The following LRRC8B variants were observed in gnomAD, a reference collection of about 807,000 sequenced individuals.
LRRC8B encodes volume-regulated anion channel subunit LRRC8B.
LRRC8B carries 23 observed loss-of-function variants against 58.8 expected under a neutral mutation model. The observed-to-expected ratio is 0.39, with a 90% confidence interval of 0.28 to 0.55. The LOEUF is 0.55. Among genes scored for constraint, LRRC8B ranks in the 20% least tolerant of loss-of-function variants. LRRC8B has a pLI of 0.62. For synonymous variants in LRRC8B, 359 were observed against 374.1 expected (o/e 0.96, Z 0.47); for missense variants, 694 against 936.0 (o/e 0.74, Z 3.37).
intron 1 of LRRC8B, among the ~76,000 whole-genome samples, chr1:89,527,284 A>G (rs963462679): frequency 6.6e-6 from 1 of 151,994 alleles, no homozygotes; most frequent in Non-Finnish European, 1.5e-5. Context: ...CCAATCCCGG[A>G]TTTTCATTTG....
In LRRC8B at chr1:89,584,186, C is replaced by T; in HGVS notation, c.1536C>T (p.Leu512=). 1 of 1,611,460 alleles carries T rather than the reference C, an allele frequency of 6.2e-7. No homozygotes were observed. Among genetic ancestry groups the T allele is most frequent in the Non-Finnish European group, 8.5e-7 (1 of 1,180,002 alleles). ...IPRWVFHLKN[L]KELYLSGCVL... is the part of the protein sequence containing the mutation. ...GCTGGGTATTTCACCTCAAGAATCTCAAGGAACTTTATCTTTCGGGCTGTG... is the reference window on the plus strand; with the variant it reads ...GCTGGGTATTTCACCTCAAGAATCTTAAGGAACTTTATCTTTCGGGCTGTG... The change falls in exon 5 of 6, where the codon CTC becomes CTT. Residue 512 remains leucine (L), a synonymous_variant. Transcript: ENST00000330947.
At chr1:89,557,179 A>G (rs1258142859) in intron 1 of LRRC8B, among the ~76,000 whole-genome samples, 2 of 152,056 alleles carry the variant, frequency 1.3e-5, no homozygotes, top group South Asian at 2.1e-4. Context: ...TTTGGGCCAC[A>G]TAGTTCTTCT....
chr1:89,551,100 C>T (rs1256291307), intron 1 of LRRC8B, among the ~76,000 whole-genome samples: 4 of 151,932 alleles, frequency 2.6e-5, no homozygotes, highest in African/African-American at 9.7e-5. Context: ...ACTGCTCTTC[C>T]TCAGGCAACA....
At chr1:89,570,607 A>T (rs1017685760) in intron 3 of LRRC8B, among the ~76,000 whole-genome samples, 1 of 152,004 alleles carries the variant, frequency 6.6e-6, no homozygotes, top group African/African-American at 2.4e-5. Flanking sequence ...AAGATGCTGG[A>T]TATTAGACCT....
At chr1:89,546,001 G>T (rs568454652) in intron 1 of LRRC8B, among the ~76,000 whole-genome samples, 1 of 152,150 alleles carries the variant, frequency 6.6e-6, no homozygotes, top group African/African-American at 2.4e-5. Flanking sequence ...CTGGGTAAAT[G>T]GTATATGGGG....
intron 1 of LRRC8B, among the ~76,000 whole-genome samples, chr1:89,556,309 T>G (rs1652183886): frequency 6.6e-6 from 1 of 152,186 alleles, no homozygotes; most frequent in South Asian, 2.1e-4. Flanking sequence ...CCTTGCCTTT[T>G]ACATCTCTTC....
chr1:89,555,918 A>T (rs879742766), intron 1 of LRRC8B, among the ~76,000 whole-genome samples: 1 of 152,194 alleles, frequency 6.6e-6, no homozygotes, highest in Non-Finnish European at 1.5e-5. Flanking sequence ...ACAGAGCCCC[A>T]TTCCTGATAA....
chr1:89,529,713 T>G (rs1466736915), intron 1 of LRRC8B, among the ~76,000 whole-genome samples: 1 of 152,140 alleles, frequency 6.6e-6, no homozygotes, highest in Non-Finnish European at 1.5e-5. Context: ...ACAGCAAAAT[T>G]TTTTCTATAT....
At chr1:89,587,343 G>A (rs1237781667) in intron 5 of LRRC8B, among the ~76,000 whole-genome samples, 3 of 152,070 alleles carry the variant, frequency 2.0e-5, no homozygotes, top group Admixed American at 6.6e-5. Context: ...AGACCAGCCT[G>A]GCCAATATGG....
chr1:89,568,634 A>C (rs1653208048), intron 3 of LRRC8B, 141 bp downstream of exon 3: 1 of 152,146 alleles, frequency 6.6e-6, no homozygotes, highest in Non-Finnish European at 1.5e-5. Context: ...AATCTTTCTG[A>C]GGTTTTTAAA....
In LRRC8B at chr1:89,595,388, G is replaced by C. The variant is rs1655232001; in HGVS notation, c.*2345G>C. 1 of 152,104 alleles carries C rather than the reference G, an allele frequency of 6.6e-6. No homozygotes were observed. Among genetic ancestry groups the C allele is most frequent in the Non-Finnish European group, 1.5e-5 (1 of 67,984 alleles). 9.4% of individuals were successfully genotyped at this position (152,104 alleles called of 1,614,324 possible). On this transcript the variant is annotated 3_prime_UTR_variant, in exon 6 of 6. Transcript: ENST00000330947. Reference sequence around the variant, plus strand: ...AGTTTTGGACATGAATATGCCAAAAGTGCTTAAATGTTTTTGGCCACATAA... The same window carrying C: ...AGTTTTGGACATGAATATGCCAAAACTGCTTAAATGTTTTTGGCCACATAA...
At chr1:89,548,880 A>G (rs904471416) in intron 1 of LRRC8B, among the ~76,000 whole-genome samples, 7 of 152,162 alleles carry the variant, frequency 4.6e-5, no homozygotes, top group African/African-American at 1.4e-4. Context: ...ACCACAACAT[A>G]CATTCTGAGA....
chr1:89,581,025 C>T (rs1203534220), intron 4 of LRRC8B, among the ~76,000 whole-genome samples: 2 of 152,090 alleles, frequency 1.3e-5, no homozygotes, highest in African/African-American at 4.8e-5. Context: ...GGCACAGTGG[C>T]TCAGGCCTAT....
chr1:89,564,130 T>C (rs1652868583), intron 1 of LRRC8B, among the ~76,000 whole-genome samples: 1 of 152,216 alleles, frequency 6.6e-6, no homozygotes, highest in Admixed American at 6.5e-5. Context: ...TAAACTTGAG[T>C]TATTCATCTT....
intron 1 of LRRC8B, among the ~76,000 whole-genome samples, chr1:89,548,003 G>C (rs1651536338): frequency 6.6e-6 from 1 of 151,362 alleles, no homozygotes; most frequent in Non-Finnish European, 1.5e-5. Context: ...GCTGTCAAGT[G>C]AATTGTCTTT....
intron 5 of LRRC8B, among the ~76,000 whole-genome samples, chr1:89,588,890 A>G (rs115529137): frequency 2.0e-5 from 3 of 152,096 alleles, no homozygotes; most frequent in Non-Finnish European, 4.4e-5. Flanking sequence ...CTAGGAAAGG[A>G]TTTTACATTT....
chr1:89,592,654 C>T (rs1321342781), intron 5 of LRRC8B, 117 bp from the exon 6 acceptor site: 2 of 824,050 alleles, frequency 2.4e-6, no homozygotes, highest in Non-Finnish European at 3.8e-6. Context: ...TTGTAGTCTG[C>T]ATCACTTATA....
intron 1 of LRRC8B, among the ~76,000 whole-genome samples, chr1:89,539,341 A>G (rs1650779010): frequency 6.6e-6 from 1 of 152,134 alleles, no homozygotes; most frequent in Non-Finnish European, 1.5e-5. Context: ...CCATAGAAAT[A>G]GAGAACAAAG....
chr1:89,562,356 G>T (rs1652735751), intron 1 of LRRC8B, among the ~76,000 whole-genome samples: 1 of 152,018 alleles, frequency 6.6e-6, no homozygotes, highest in East Asian at 1.9e-4. Flanking sequence ...AGTGAATTTT[G>T]TAAACATGTG....
Sources: gnomAD v4.1 joint callset for allele counts (sites outside exome capture counted in the v4.1 genomes callset) on GRCh38, gnomAD v4.1.1 for gene constraint, MANE v1.5 for transcripts, NCBI Gene and HGNC (gene_info 2026-07-23, HGNC 2026-07-21) for gene names.